The following ZNF568 variants were observed in gnomAD, a reference collection of about 807,000 sequenced individuals.
The protein encoded by ZNF568 is p53 inhibitor of SCO2 activation.
In ZNF568, 11 loss-of-function variants were observed where a neutral mutation model predicts 18.1. The ratio of observed to expected loss-of-function variants is 0.61; its 90% CI spans 0.38 to 1.00. The LOEUF (loss-of-function observed/expected upper bound fraction) is 1.00. Ranked by LOEUF, ZNF568 falls within the 50% of genes least tolerant of loss-of-function variation. ZNF568 has a pLI of 0.01. For missense variants in ZNF568, 639 were observed against 768.2 expected, an observed-to-expected ratio of 0.83 and a Z score of 1.99; for synonymous variants, 213 against 246.6, an observed-to-expected ratio of 0.86 and a Z score of 1.28.
At chr19:36,933,497 A>T (rs2073723979) in intron 4 of ZNF568, among the ~76,000 whole-genome samples, 1 of 152,050 alleles carries the variant, frequency 6.6e-6, no homozygotes, top group Admixed American at 6.6e-5. Flanking sequence ...AGATGATCTT[A>T]TGGTTTTTGA....
Position 36,937,169 on chromosome 19 carries a change from T to C in ZNF568, c.285T>C (p.Asp95=). The C allele has an allele frequency of 6.2e-7, 1 of 1,614,008 alleles. No individual in the cohort carries two copies. The highest frequency in any genetic ancestry group is 8.5e-7 in the Non-Finnish European group (1 of 1,179,936). ...TAGGCTGTCAAGTCACCAAACCGGA[T>C]GTGATATTCAAGTTGGAGCAAGAAG... The part of the protein sequence containing the change: ...VTVGCQVTKP[D]VIFKLEQEEE... The change falls in exon 6 of 7, where the codon GAT becomes GAC. Residue 95 remains aspartate, a synonymous_variant. Coordinates refer to ENST00000333987, the MANE Select transcript of ZNF568 (RefSeq NM_198539.4).
intron 4 of ZNF568, chr19:36,991,863 T>C (rs1644681): frequency 0.53 from 813,283 of 1,548,982 alleles, 215,881 homozygotes; most frequent in African/African-American, 0.61. Flanking sequence ...GACGATGAAC[T>C]GGAATGGGGA....
chr19:36,988,422 C>T (rs1030049963), intron 2 of ZNF568, among the ~76,000 whole-genome samples: 3 of 152,196 alleles, frequency 2.0e-5, no homozygotes, highest in Non-Finnish European at 4.4e-5. Context: ...GCATCTGCTC[C>T]GCTTCTGGGG....
intron 4 of ZNF568, among the ~76,000 whole-genome samples, chr19:36,928,302 A>G (rs964886527): frequency 1.3e-5 from 2 of 152,154 alleles, no homozygotes; most frequent in Non-Finnish European, 2.9e-5. Context: ...GAGAAAAACA[A>G]TCAGATCTAT....
At chr19:36,983,911 T>TTG (rs2074352528), downstream of ZNF568, among the ~76,000 whole-genome samples, 1 of 144,512 alleles carries the variant, frequency 6.9e-6, no homozygotes, top group Admixed American at 6.8e-5. Context: ...TTTTTTTTTT[T>TTG]TTGTTGAGAC....
Position 36,975,681 on chromosome 19 carries a change from C to CTTTTTTTTTTTTTTTTTTTTT in ZNF568, c.405+1216_405+1236dup, listed in dbSNP as rs1193440344. Reference sequence around the variant, plus strand: ...GCAGGCGTGAGCCACCGCGCCAAGACTTTTTTTTTTTTTTTTTTTTTGAGA... The same window carrying CTTTTTTTTTTTTTTTTTTTTT: ...GCAGGCGTGAGCCACCGCGCCAAGACTTTTTTTTTTTTTTTTTTTTTTTTTTTTTTTTTTTTTTTTTTGAGA... On this transcript the variant is annotated intron_variant, in intron 7 of 7. Transcript: ENST00000427117. Among the ~76,000 whole-genome samples the CTTTTTTTTTTTTTTTTTTTTT allele has an allele frequency of 1.7e-4, 13 of 75,778 alleles. 3 individuals carry two copies. Among genetic ancestry groups the CTTTTTTTTTTTTTTTTTTTTT allele is most frequent in the Non-Finnish European group, 2.3e-4 (10 of 42,818 alleles). 49.7% of individuals were successfully genotyped at this position (75,778 alleles called of 152,430 possible).
rs1172950026 is a variant in ZNF568, at chr19:36,951,133, A to T, written c.*45A>T. ...ATTCAACCCATGTTTTACTTAAAAT[A>T]TCTTGGCATAAGCTCAAAAAAGCCA... On this transcript the variant is annotated 3_prime_UTR_variant, in exon 7 of 7. Coordinates refer to ENST00000333987, the MANE Select transcript of ZNF568 (RefSeq NM_198539.4). 6.8e-7 allele frequency: 1 copy of T among 1,469,168 alleles called. No homozygotes were observed. The highest frequency in any genetic ancestry group is 9.0e-7 in the Non-Finnish European group (1 of 1,113,936). 91.0% of individuals were successfully genotyped at this position (1,469,168 alleles called of 1,614,324 possible). A position where few individuals can be genotyped will look rare whatever the true frequency, so the allele number is the denominator to read the frequency against.
In ZNF568 at chr19:36,951,036, C is replaced by T. The variant is rs1229903161; in HGVS notation, c.1883C>T (p.Ser628Phe). Reference protein sequence around the residue: ...ECGKAFSQRASLSIHKRGHTG... With the variant: ...ECGKAFSQRAFLSIHKRGHTG... ...GGGAAAGCATTCTCTCAAAGAGCAT[C>T]CCTTTCTATACATAAGAGAGGTCAT... Residue 628 changes from serine (S) to phenylalanine (F), a missense_variant, in exon 7 of 7, where the codon TCC becomes TTC. Ser to Phe is a radical substitution (Grantham distance 155). Transcript: ENST00000333987. The T allele has an allele frequency of 4.4e-6, 7 of 1,605,752 alleles. No individual in the cohort carries two copies. The highest frequency in any genetic ancestry group is 5.9e-6 in the Non-Finnish European group (7 of 1,176,622).
At chr19:36,928,695 C>T (rs142524135) in intron 4 of ZNF568, among the ~76,000 whole-genome samples, 2,591 of 151,908 alleles carry the variant, frequency 0.017, 35 homozygotes, top group African/African-American at 0.036. Flanking sequence ...AATTAATATA[C>T]AAAAATCAAT....
chr19:36,986,740 G>T (rs1389971425), intron 2 of ZNF568, among the ~76,000 whole-genome samples: 1 of 152,074 alleles, frequency 6.6e-6, no homozygotes, highest in African/African-American at 2.4e-5. Flanking sequence ...CGTATTTTCG[G>T]ATAAGAGAAT....
intron 6 of ZNF568, among the ~76,000 whole-genome samples, chr19:36,941,977 C>G (rs538343524): frequency 8.8e-4 from 131 of 148,364 alleles, no homozygotes; most frequent in East Asian, 2.2e-3. Context: ...TTATACTGCT[C>G]TGTAAATTTT....
chr19:36,974,762 T>G (rs1031686065), intron 7 of ZNF568, among the ~76,000 whole-genome samples: 1 of 152,104 alleles, frequency 6.6e-6, no homozygotes, highest in South Asian at 2.1e-4. Flanking sequence ...ATTAGCTTTT[T>G]CAGTCTCACT....
At chr19:36,996,994 C>T in exon 5 of ZNF568, 1 of 1,545,558 alleles carries the variant, frequency 6.5e-7, no homozygotes. Context: ...CTTTACCCGT[C>T]CCTCACACCT....
At chr19:36,932,447 G>A (rs2073703558) in intron 4 of ZNF568, among the ~76,000 whole-genome samples, 4 of 152,124 alleles carry the variant, frequency 2.6e-5, no homozygotes, top group South Asian at 2.1e-4. Context: ...ACAAGTAGCC[G>A]TGCCTGGTGG....
chr19:36,946,472 TG>T (rs2073966254), intron 6 of ZNF568, among the ~76,000 whole-genome samples: 1 of 152,092 alleles, frequency 6.6e-6, no homozygotes, highest in African/African-American at 2.4e-5. Context: ...CTATTTTCTA[TG>T]TATTATTAAT....
chr19:36,974,951 T>C (rs1327767518), intron 7 of ZNF568, among the ~76,000 whole-genome samples: 1 of 150,460 alleles, frequency 6.6e-6, no homozygotes, highest in Non-Finnish European at 1.5e-5. Flanking sequence ...CTCAGCCTCC[T>C]GAGTAGCCGA....
At position 36,951,931 on chromosome 19, in the gene ZNF568, A is replaced by C. The variant is rs1377612366; in HGVS notation, c.*843A>C. ...CAGGCTTGAGCCACTGCACCTGGCC[A>C]AAAAATTAACATTCTAAAGGATTTA... On this transcript the variant is annotated 3_prime_UTR_variant, in exon 7 of 7. Transcript: ENST00000333987. 2 of 984,628 alleles carry C rather than the reference A, an allele frequency of 2.0e-6. No individual in the cohort carries two copies. Among genetic ancestry groups the C allele is most frequent in the African/African-American group, 3.5e-5 (2 of 57,114 alleles). The allele number at this position is 984,628 out of a possible 1,614,324, so 61.0% of individuals were successfully genotyped here.
chr19:36,985,856 A>G (rs2146344777), intron 2 of ZNF568, among the ~76,000 whole-genome samples: 1 of 152,232 alleles, frequency 6.6e-6, no homozygotes, highest in African/African-American at 2.4e-5. Flanking sequence ...TGTTTAGGCA[A>G]AATTCACATA....
At chr19:36,991,103 C>T in intron 2 of ZNF568, 1 of 1,452,384 alleles carries the variant, frequency 6.9e-7, no homozygotes, top group Non-Finnish European at 9.1e-7. Context: ...ATTGCTTTCT[C>T]CATTTTCTTT....
Sources: allele counts gnomAD v4.1 joint callset (sites outside exome capture counted in the v4.1 genomes callset), GRCh38; gene constraint gnomAD v4.1.1; transcripts MANE v1.5; gene names NCBI Gene and HGNC (gene_info 2026-07-23, HGNC 2026-07-21).